Variants in AGMO observed in about 807,000 individuals in gnomAD.
AGMO encodes the protein alkylglycerol monooxygenase, also known as glyceryl-ether monooxygenase.
In AGMO, 75 loss-of-function variants were observed where a neutral mutation model predicts 60.2. The observed-to-expected ratio is 1.25, with a 90% CI of 1.03 to 1.51. AGMO has a LOEUF of 1.51. Ranked by LOEUF, AGMO falls within the 40% of genes most tolerant of loss-of-function variation. The pLI is 0.00. For synonymous variants in AGMO, 261 were observed against 177.1 expected (o/e 1.47, Z -3.76); for missense variants, 763 against 525.5 (o/e 1.45, Z -4.42).
At position 15,302,409 on chromosome 7, in the gene AGMO, A is replaced by G. The variant is rs1780471404; in HGVS notation, c.1263+63105T>C. Among the ~76,000 whole-genome samples the G allele has an allele frequency of 1.3e-5, 2 of 152,190 alleles. 1 individual carries two copies. Among genetic ancestry groups the G allele is most frequent in the African/African-American group, 4.8e-5 (2 of 41,454 alleles). ...AGGGTATGAATAAAGTTGGGGTCTA[A>G]TAAAGTTGGTATGGCAATAAAAGGT... On this transcript the variant is annotated intron_variant, in intron 12 of 12. Coordinates refer to ENST00000342526, the MANE Select transcript of AGMO (RefSeq NM_001004320.2).
rs751408749 is a variant in AGMO at position 15,356,378 on chromosome 7, AAG to A, written c.1263+9134_1263+9135del. Among the ~76,000 whole-genome samples the A allele has an allele frequency of 3.5e-3, 538 of 152,316 alleles. 1 individual carries two copies. The highest frequency in any genetic ancestry group is 4.3e-3 in the Non-Finnish European group (290 of 68,006). On this transcript the variant is annotated intron_variant, in intron 12 of 12. Coordinates refer to ENST00000342526, the MANE Select transcript of AGMO (RefSeq NM_001004320.2). ...AATGGATACAAGTACAGGCAACAAA[AAG>A]AATACATTTTAAAAATAAACATTTT...
chr7:15,124,392 G>A, the AGMO span, among the ~76,000 whole-genome samples: 3 of 151,768 alleles, frequency 2.0e-5, no homozygotes, highest in Non-Finnish European at 2.9e-5. Context: ...CAGTTATCAC[G>A]GCAATAGAAT....
chr7:15,205,030 A>C (rs1429584494), intron 12 of AGMO, among the ~76,000 whole-genome samples: 1 of 152,146 alleles, frequency 6.6e-6, no homozygotes, highest in Non-Finnish European at 1.5e-5. Flanking sequence ...AAATGGCTCT[A>C]ATGAAGAGGA....
chr7:15,186,176 T>G, the AGMO span, among the ~76,000 whole-genome samples: 1 of 152,190 alleles, frequency 6.6e-6, no homozygotes, highest in African/African-American at 2.4e-5. Flanking sequence ...ATTCTGTTGG[T>G]AATAAGCCAC....
At position 15,287,172 on chromosome 7, in the gene AGMO, T is replaced by C. The variant is rs150741624; in HGVS notation, c.1263+78342A>G. Among the ~76,000 whole-genome samples, 55 of 152,258 alleles carry C rather than the reference T, an allele frequency of 3.6e-4. 1 individual carries two copies. In the East Asian group the frequency reaches 0.01, roughly 28 times the overall value. ...GCAATAAAATCTTAGGTTTTACCAC[T>C]ATACAATTCATCCATGTAATCAAAA... On this transcript the variant is annotated intron_variant, in intron 12 of 12. Transcript: ENST00000342526.
At position 15,250,539 on chromosome 7, in the gene AGMO, TAC is replaced by T. The variant is rs59487880; in HGVS notation, c.1264-49182_1264-49181del. ...AATTGAGCCTAAATGGAAATTGAAG[TAC>T]ACACACACACACTAAACACACACAC... On this transcript the variant is annotated intron_variant, in intron 12 of 12. Coordinates refer to ENST00000342526, the MANE Select transcript of AGMO (RefSeq NM_001004320.2). Among the ~76,000 whole-genome samples the T allele has an allele frequency of 7.8e-3, 942 of 120,532 alleles. 4 individuals carry two copies. The highest frequency in any genetic ancestry group is 0.028 in the African/African-American group (808 of 29,346). The allele number at this position is 120,532 out of a possible 152,430, so 79.1% of individuals were successfully genotyped here. A position where few individuals can be genotyped will look rare whatever the true frequency, so the allele number is the denominator to read the frequency against.
At chr7:15,297,687 T>G (rs1335128568) in intron 12 of AGMO, among the ~76,000 whole-genome samples, 2 of 152,176 alleles carry the variant, frequency 1.3e-5, no homozygotes, top group African/African-American at 2.4e-5. Flanking sequence ...CTGGGAAACT[T>G]TGATCACTAC....
chr7:15,225,300 A>G (rs985555695), intron 12 of AGMO, among the ~76,000 whole-genome samples: 2 of 151,986 alleles, frequency 1.3e-5, no homozygotes, highest in African/African-American at 2.4e-5. Context: ...ATTTGCCTTT[A>G]TAATTAGATG....
chr7:15,316,114 G>C (rs959873561), intron 12 of AGMO, among the ~76,000 whole-genome samples: 5 of 152,148 alleles, frequency 3.3e-5, no homozygotes, highest in South Asian at 4.1e-4. Flanking sequence ...GCAGCCACTA[G>C]AAATAGAAGT....
At chr7:15,538,633 G>C (rs1209762990) in intron 3 of AGMO, among the ~76,000 whole-genome samples, 3 of 152,124 alleles carry the variant, frequency 2.0e-5, no homozygotes. Context: ...AGAAACACAA[G>C]TACAGAAGAA....
intron 3 of AGMO, among the ~76,000 whole-genome samples, chr7:15,439,208 C>A (rs1266615002): frequency 1.3e-5 from 2 of 152,100 alleles, no homozygotes; most frequent in African/African-American, 2.4e-5. Context: ...ACCATCCCGG[C>A]CAACATGGTG....
chr7:15,451,274 A>T (rs1361091822), intron 3 of AGMO, among the ~76,000 whole-genome samples: 1 of 151,648 alleles, frequency 6.6e-6, no homozygotes, highest in Non-Finnish European at 1.5e-5. Context: ...GACTCAGAGA[A>T]GATGTTTATA....
intron 5 of AGMO, among the ~76,000 whole-genome samples, chr7:15,410,387 T>C (rs1784806573): frequency 6.6e-6 from 1 of 151,778 alleles, no homozygotes; most frequent in African/African-American, 2.4e-5. Context: ...GATCAAAAAA[T>C]AAATAACAAA....
chr7:15,369,532 G>C (rs752288615), intron 10 of AGMO, among the ~76,000 whole-genome samples: 3 of 152,036 alleles, frequency 2.0e-5, no homozygotes, highest in Non-Finnish European at 2.9e-5. Flanking sequence ...ACTTCCCCTA[G>C]TGATCATTAG....
the AGMO span, among the ~76,000 whole-genome samples, chr7:15,176,577 G>A: frequency 6.6e-6 from 1 of 151,780 alleles, no homozygotes; most frequent in African/African-American, 2.4e-5. Flanking sequence ...ATATTCAAAT[G>A]TACAATGTGA....
chr7:15,129,474 A>T, the AGMO span, among the ~76,000 whole-genome samples: 1 of 152,156 alleles, frequency 6.6e-6, no homozygotes, highest in Admixed American at 6.6e-5. Context: ...AAATAAGGAA[A>T]GGCAACTCAT....
Position 15,336,245 on chromosome 7 carries a change from CAAA to C in AGMO, c.1263+29266_1263+29268del, listed in dbSNP as rs561008169. On this transcript the variant is annotated intron_variant, in intron 12 of 12. Coordinates refer to ENST00000342526, the MANE Select transcript of AGMO (RefSeq NM_001004320.2). The stretch of plus-strand genomic sequence containing the variant: ...GGCAAAAGAAATTCATAACATTCAC[CAAA>C]AAAAAAATTATGCTCTTACCACAAA... 4.0e-5 allele frequency among the ~76,000 whole-genome samples: 6 copies of C among 148,520 alleles called. No homozygotes were observed. The East Asian group carries it at 1.2e-3, about 29-fold the overall frequency.
At chr7:15,183,562 A>G in the AGMO span, among the ~76,000 whole-genome samples, 1 of 152,188 alleles carries the variant, frequency 6.6e-6, no homozygotes, top group East Asian at 1.9e-4. Flanking sequence ...AAGATTCTAG[A>G]GTCAACACTT....
At chr7:15,345,527 G>C (rs1486552946) in intron 12 of AGMO, among the ~76,000 whole-genome samples, 1 of 152,116 alleles carries the variant, frequency 6.6e-6, no homozygotes, top group Non-Finnish European at 1.5e-5. Flanking sequence ...CATTGACATA[G>C]CATTTTTCAA....
Sources: gnomAD v4.1 joint callset for allele counts (sites outside exome capture counted in the v4.1 genomes callset) on GRCh38, gnomAD v4.1.1 for gene constraint, MANE v1.5 for transcripts, NCBI Gene and HGNC (gene_info 2026-07-23, HGNC 2026-07-21) for gene names.